PLEKHA6: variants seen among roughly 807,000 people sequenced by gnomAD.
PLEKHA6 encodes pleckstrin homology domain-containing family A member 6.
In PLEKHA6, 60 loss-of-function variants were observed where a neutral mutation model predicts 116.7. The ratio of observed to expected loss-of-function variants is 0.51; its 90% confidence interval spans 0.42 to 0.64. The LOEUF (loss-of-function observed/expected upper bound fraction) is 0.64. Ranked by LOEUF, PLEKHA6 falls within the 30% of genes least tolerant of loss-of-function variation. The pLI is 0.00. For missense variants in PLEKHA6, 1,338 were observed against 1,422.7 expected (o/e 0.94, Z 0.96); for synonymous variants, 489 against 556.1 (o/e 0.88, Z 1.70).
chr1:204,228,998 A>G lies in PLEKHA6; in HGVS notation c.2690T>C (p.Ile897Thr), dbSNP rs367548489. Reference sequence around the variant, plus strand: ...TAGCTCCATTTTGCGAAGCCGGGCAATTTCCTCCCGGGGTGTCTCGTAGGC... The same window carrying G: ...TAGCTCCATTTTGCGAAGCCGGGCAGTTTCCTCCCGGGGTGTCTCGTAGGC... ...GHAYETPREE[I>T]ARLRKMELEP... is the part of the protein sequence containing the mutation. The change falls in exon 19 of 23, where the codon ATT becomes ACT. Residue 897 changes from isoleucine to threonine, a missense_variant. Transcript: ENST00000272203. The surrounding 1 kb of genome is among the most constrained non-coding windows in gnomAD (Gnocchi z 4.0). The G allele has an allele frequency of 6.2e-7, 1 of 1,613,900 alleles. No individual in the cohort carries two copies. The highest frequency in any genetic ancestry group is 1.3e-5 in the African/African-American group (1 of 74,910).
chr1:204,230,205 T>G (rs1180994393), intron 18 of PLEKHA6, among the ~76,000 whole-genome samples: 2 of 152,266 alleles, frequency 1.3e-5, no homozygotes. Flanking sequence ...TTTTGTGAGT[T>G]ATTTTCTTTA....
At chr1:204,319,625 TTC>T (rs1349423063) in intron 1 of PLEKHA6, among the ~76,000 whole-genome samples, 4 of 152,190 alleles carry the variant, frequency 2.6e-5, no homozygotes, top group Non-Finnish European at 2.9e-5. Context: ...AAGCAGGTAT[TTC>T]TGAGTCACGC....
rs896699073 is a variant in PLEKHA6, at chr1:204,377,624, C to T, written c.42G>A (p.Trp14Ter). The T allele has an allele frequency of 1.3e-5, 2 of 152,336 alleles. No homozygotes were observed. Among genetic ancestry groups the T allele is most frequent in the Non-Finnish European group, 2.9e-5 (2 of 68,122 alleles). 9.4% of individuals were successfully genotyped at this position (152,336 alleles called of 1,614,324 possible). A position where few individuals can be genotyped will look rare whatever the true frequency, so the allele number is the denominator to read the frequency against. The change falls in exon 1 of 5, where the codon TGG becomes TGA. Residue 14 changes from tryptophan to a stop codon, truncating the protein, a stop_gained. Coordinates refer to the PLEKHA6 transcript ENST00000564627. LOFTEE classifies it high-confidence loss of function. Reference sequence around the variant, plus strand: ...TCCCACCGCCGTCAACTCCGTAGGCCCACCGGCCGGGCAGGTCCAGCCAGT... The same window carrying T: ...TCCCACCGCCGTCAACTCCGTAGGCTCACCGGCCGGGCAGGTCCAGCCAGT...
At chr1:204,305,490 C>T in intron 1 of PLEKHA6, among the ~76,000 whole-genome samples, 1 of 152,174 alleles carries the variant, frequency 6.6e-6, no homozygotes, top group South Asian at 2.1e-4. Context: ...CCCTTGAAGG[C>T]AGATCCAGTT....
At chr1:204,313,050 C>G (rs2103174858) in intron 1 of PLEKHA6, among the ~76,000 whole-genome samples, 1 of 124,300 alleles carries the variant, frequency 8.0e-6, no homozygotes, top group Admixed American at 8.2e-5. Context: ...CTCCCTCTGT[C>G]CCTCCCTCCC....
At position 204,251,168 on chromosome 1, in the gene PLEKHA6, A is replaced by G. The variant is rs534311365; in HGVS notation, c.1525-554T>C. Among the ~76,000 whole-genome samples, 5 of 152,202 alleles carry G rather than the reference A, an allele frequency of 3.3e-5. No individual in the cohort carries two copies. In the South Asian group the frequency reaches 1.0e-3, roughly 32 times the overall value. ...CTGGTGACCACAGCACATTCTATAC[A>G]CCTTTGACATTAGATGGTTCCATTA... On this transcript the variant is annotated intron_variant, in intron 9 of 22. Coordinates refer to ENST00000272203, the MANE Select transcript of PLEKHA6 (RefSeq NM_014935.5).
intron 1 of PLEKHA6, among the ~76,000 whole-genome samples, chr1:204,374,210 C>T (rs1673826380): frequency 6.6e-6 from 1 of 152,192 alleles, no homozygotes; most frequent in African/African-American, 2.4e-5. Flanking sequence ...TGTCTCCACT[C>T]CAGCACCGGG....
At position 204,228,518 on chromosome 1, in the gene PLEKHA6, T is replaced by C. The variant is rs1263251815; in HGVS notation, c.2885+210A>G. ...CGAGCCTTCAGTTTTGTCTCGATGG[T>C]GTGGTGTGCACGAGCCTGGCAGGTC... On this transcript the variant is annotated intron_variant, in intron 20 of 22. Transcript: ENST00000272203. This position sits in a 1 kb window ranked among gnomAD's most constrained non-coding sequence, Gnocchi z 4.0. Among the ~76,000 whole-genome samples the C allele has an allele frequency of 6.6e-6, 1 of 152,094 alleles. No homozygotes were observed. Among genetic ancestry groups the C allele is most frequent in the African/African-American group, 2.4e-5 (1 of 41,410 alleles).
In PLEKHA6 at chr1:204,228,093, G is replaced by A; in HGVS notation, c.3021C>T (p.Arg1007=). The change falls in exon 21 of 23, where the codon CGC becomes CGT. Residue 1007 remains arginine (R), a synonymous_variant. Transcript: ENST00000272203. The surrounding 1 kb of genome is among the most constrained non-coding windows in gnomAD (Gnocchi z 4.0). ...ALATEASRRG[R]MLSVQCATPS... The stretch of plus-strand genomic sequence containing the variant: ...CCCAGCCCCTCTCACCAGACAGCAT[G>A]CGGCCCCTGCGGGAGGCCTCGGTCG... 6.2e-7 allele frequency: 1 copy of A among 1,612,478 alleles called. No individual in the cohort carries two copies. Among genetic ancestry groups the A allele is most frequent in the Non-Finnish European group, 8.5e-7 (1 of 1,179,278 alleles).
chr1:204,301,223 C>T, intron 1 of PLEKHA6: 1 of 984,290 alleles, frequency 1.0e-6, no homozygotes, highest in Non-Finnish European at 1.2e-6. Flanking sequence ...ACAGGAGTTT[C>T]AGCAGAGTCA....
rs2102552033 is a variant in PLEKHA6, at chr1:204,241,447, A to G, written c.2337T>C (p.Thr779=). Residue 779 remains threonine (T), a synonymous_variant, in exon 17 of 23, where the codon ACT becomes ACC. Transcript: ENST00000272203. ...CTGCTGATGGGGTCACCTCATCATCAGTGGGCGATTTTGTCCGAGGGGGCA... is the reference window on the plus strand; with the variant it reads ...CTGCTGATGGGGTCACCTCATCATCGGTGGGCGATTTTGTCCGAGGGGGCA... ...GVVPPRTKSP[T]DDEVTPSAVV... is the part of the protein sequence containing the mutation. 1 of 1,609,364 alleles carries G rather than the reference A, an allele frequency of 6.2e-7. No homozygotes were observed. Among genetic ancestry groups the G allele is most frequent in the South Asian group, 1.1e-5 (1 of 90,234 alleles).
chr1:204,275,711 G>T, intron 1 of PLEKHA6: 1 of 985,214 alleles, frequency 1.0e-6, no homozygotes, highest in Non-Finnish European at 1.2e-6. Flanking sequence ...TGATGCAGCG[G>T]TCTAAGCCAT....
chr1:204,262,872 C>T lies in PLEKHA6; in HGVS notation c.382-1424G>A, dbSNP rs147705106. On this transcript the variant is annotated intron_variant, in intron 6 of 22. Transcript: ENST00000272203. ...AAGACTAAGAAGCTGAGACTTGCGACGGATAGGGGATAGAGAGACCAGGGG... is the reference window on the plus strand; with the variant it reads ...AAGACTAAGAAGCTGAGACTTGCGATGGATAGGGGATAGAGAGACCAGGGG... Among the ~76,000 whole-genome samples, 170 of 151,598 alleles carry T rather than the reference C, an allele frequency of 1.1e-3. 1 individual carries two copies. The highest frequency in any genetic ancestry group is 3.9e-3 in the African/African-American group (162 of 41,376).
intron 1 of PLEKHA6, among the ~76,000 whole-genome samples, chr1:204,352,466 C>A (rs188354341): frequency 1.3e-5 from 2 of 152,158 alleles, no homozygotes; most frequent in Non-Finnish European, 2.9e-5. Flanking sequence ...CTTGCCGCTG[C>A]GGAGACTTCA....
At chr1:204,301,584 A>C in intron 1 of PLEKHA6, 1 of 420,242 alleles carries the variant, frequency 2.4e-6, no homozygotes, top group Non-Finnish European at 3.2e-6. Context: ...CCCTAGGGCC[A>C]TTCCCAGGGG....
At chr1:204,374,490 A>G (rs1398589030) in intron 1 of PLEKHA6, among the ~76,000 whole-genome samples, 2 of 151,950 alleles carry the variant, frequency 1.3e-5, no homozygotes, top group African/African-American at 4.8e-5. Context: ...TCACCTCACC[A>G]CCAAAACTTA....
intron 15 of PLEKHA6, among the ~76,000 whole-genome samples, chr1:204,243,945 G>C (rs926203173): frequency 6.7e-6 from 1 of 149,252 alleles, no homozygotes; most frequent in Non-Finnish European, 1.5e-5. Flanking sequence ...CTCAGCCTCC[G>C]GAGTAGCTGG....
chr1:204,327,451 A>G (rs1027999929), intron 1 of PLEKHA6, among the ~76,000 whole-genome samples: 1 of 152,240 alleles, frequency 6.6e-6, no homozygotes, highest in African/African-American at 2.4e-5. Context: ...GTGAGCCTTG[A>G]TGCCGACGGG....
intron 17 of PLEKHA6, among the ~76,000 whole-genome samples, chr1:204,231,860 C>G (rs913455769): frequency 6.6e-6 from 1 of 152,114 alleles, no homozygotes; most frequent in African/African-American, 2.4e-5. Context: ...GCCACCATGC[C>G]TGGTCTGTAT....
Sources: allele counts gnomAD v4.1 joint callset (sites outside exome capture counted in the v4.1 genomes callset), GRCh38; gene constraint gnomAD v4.1.1; non-coding constraint Gnocchi (gnomAD v3.1); transcripts MANE v1.5; gene names NCBI Gene and HGNC (gene_info 2026-07-23, HGNC 2026-07-21).